Variants in USH2A observed in about 807,000 individuals in gnomAD.
USH2A encodes the protein Usher syndrome 2A (autosomal recessive, mild).
In USH2A, 443 loss-of-function variants were observed where a neutral mutation model predicts 538.9. That is an observed-to-expected ratio of 0.82 (90% CI 0.76 to 0.89). The LOEUF (loss-of-function observed/expected upper bound fraction) is 0.89. Among genes scored for constraint, USH2A ranks in the 40% least tolerant of loss-of-function variants. The pLI, the probability that USH2A is intolerant of heterozygous loss-of-function variation, is 0.00. For synonymous variants in USH2A, 2,413 were observed against 2,273.5 expected (o/e 1.06, Z -1.75); for missense variants, 6,633 against 6,324.8 (o/e 1.05, Z -1.65).
At chr1:216,222,524 G>A (rs927787063) in intron 14 of USH2A, among the ~76,000 whole-genome samples, 1 of 152,128 alleles carries the variant, frequency 6.6e-6, no homozygotes. Flanking sequence ...TTTGAGATGG[G>A]GAGATTATCC....
rs574921680 is a variant in USH2A, at chr1:215,757,848, T to C, written c.11389+747A>G. Among the ~76,000 whole-genome samples, 4 of 152,226 alleles carry C rather than the reference T, an allele frequency of 2.6e-5. No homozygotes were observed. The South Asian group carries it at 8.3e-4, about 32-fold the overall frequency. ...GTGGTCACAACCCAAGGTACATGGG[T>C]GAAGTGAACAACTGTCTTTCCAAAC... On this transcript the variant is annotated intron_variant, in intron 58 of 71. Coordinates refer to ENST00000307340, the MANE Select transcript of USH2A (RefSeq NM_206933.4).
intron 40 of USH2A, among the ~76,000 whole-genome samples, chr1:215,896,965 G>A (rs17025575): frequency 0.041 from 6,159 of 151,992 alleles, 135 homozygotes; most frequent in Middle Eastern, 0.072. Flanking sequence ...ATATTCATAG[G>A]AAATGTGCAT....
intron 3 of USH2A, among the ~76,000 whole-genome samples, chr1:216,409,434 A>G (rs1419056113): frequency 2.6e-5 from 4 of 152,152 alleles, no homozygotes; most frequent in Non-Finnish European, 5.9e-5. Flanking sequence ...AGAATCCTAC[A>G]CAAAAATAAC....
At chr1:216,130,184 C>A (rs1056542901) in intron 21 of USH2A, among the ~76,000 whole-genome samples, 4 of 151,874 alleles carry the variant, frequency 2.6e-5, no homozygotes, top group Non-Finnish European at 5.9e-5. Flanking sequence ...CCACGGGTTA[C>A]TGGGCACAGG....
intron 3 of USH2A, among the ~76,000 whole-genome samples, chr1:216,398,555 T>TACACAGAA (rs33993110): frequency 2.3e-5 from 3 of 127,778 alleles, no homozygotes; most frequent in African/African-American, 7.8e-5. Context: ...AGCACACCCA[T>TACACAGAA]ACACACACAC....
Position 216,323,654 on chromosome 1 carries a change from A to G in USH2A, c.1370T>C (p.Leu457Pro). ...AGGACGATAATTTGGTCCAGGTGTC[A>G]GGATGCTAAATGTGACATTGCCACG... The part of the protein sequence containing the change: ...YSRGNVTFSI[L>P]TPGPNYRPGY... The change falls in exon 8 of 72, where the codon CTG (leucine) becomes CCG (proline). Residue 457 changes from leucine to proline, a missense_variant. Coordinates refer to ENST00000307340, the MANE Select transcript of USH2A (RefSeq NM_206933.4). 6 of 1,613,660 alleles carry G rather than the reference A, an allele frequency of 3.7e-6. No homozygotes were observed. The highest frequency in any genetic ancestry group is 5.1e-6 in the Non-Finnish European group (6 of 1,179,722).
intron 55 of USH2A, among the ~76,000 whole-genome samples, chr1:215,768,439 C>A (rs865874447): frequency 6.6e-6 from 1 of 151,264 alleles, no homozygotes; most frequent in Non-Finnish European, 1.5e-5. Context: ...GCAGCTGGAG[C>A]TGCTCCAAGG....
chr1:216,210,125 G>T (rs1477339133), intron 15 of USH2A, among the ~76,000 whole-genome samples: 1 of 151,970 alleles, frequency 6.6e-6, no homozygotes, highest in East Asian at 1.9e-4. Flanking sequence ...GCCTTGCAGG[G>T]TTTCCCCACT....
chr1:216,017,688 C>A (rs935557890), intron 32 of USH2A, among the ~76,000 whole-genome samples: 1 of 152,104 alleles, frequency 6.6e-6, no homozygotes, highest in African/African-American at 2.4e-5. Flanking sequence ...TTTCAAATAT[C>A]GTAGTGAAGA....
chr1:215,707,152 G>C (rs1659204835), intron 61 of USH2A, among the ~76,000 whole-genome samples: 1 of 152,052 alleles, frequency 6.6e-6, no homozygotes, highest in African/African-American at 2.4e-5. Flanking sequence ...TTGGCATTTT[G>C]AATGCATTAT....
intron 21 of USH2A, among the ~76,000 whole-genome samples, chr1:216,118,600 T>C (rs1269015180): frequency 6.6e-6 from 1 of 152,210 alleles, no homozygotes. Flanking sequence ...GAGATACTAA[T>C]ATGGAAAAGA....
intron 69 of USH2A, among the ~76,000 whole-genome samples, chr1:215,636,181 C>T (rs549775697): frequency 6.6e-6 from 1 of 152,302 alleles, no homozygotes; most frequent in African/African-American, 2.4e-5. Context: ...CAAATCTCCC[C>T]CTTTTCAACA....
rs781183733 is a variant in USH2A at position 215,671,196 on chromosome 1, G to A, written c.13909C>T (p.Pro4637Ser). 14 of 1,614,144 alleles carry A rather than the reference G, an allele frequency of 8.7e-6. No homozygotes were observed. In the South Asian group the frequency reaches 1.3e-4, roughly 15 times the overall value. ...GCCATTTGTACCTCCAGATGTGGAG[G>A]GGGTTGCATCAAAGGTGCAATCTCA... ...TPEIAPLMQP[P>S]PHLEVQMAPG... The change falls in exon 64 of 72, where the codon CCT becomes TCT. Residue 4637 changes from proline to serine, a missense_variant. Physicochemically the swap from Pro to Ser is moderately conservative, Grantham distance 74. Transcript: ENST00000307340.
In USH2A at chr1:215,674,252, G is replaced by T; in HGVS notation, c.13659C>A (p.Asp4553Glu). The part of the protein sequence containing the change: ...RGPQEILVNW[D>E]PPVRTNGDII... ...TATCACCATTTGTTCTCACTGGAGGGTCCCAGTTCACTAAGATCTCCTGAG... is the reference window on the plus strand; with the variant it reads ...TATCACCATTTGTTCTCACTGGAGGTTCCCAGTTCACTAAGATCTCCTGAG... Residue 4553 changes from aspartate to glutamate, a missense_variant, in exon 63 of 72, where the codon GAC becomes GAA. Asp to Glu is a conservative substitution (Grantham distance 45). Coordinates refer to ENST00000307340, the MANE Select transcript of USH2A (RefSeq NM_206933.4). 6.2e-7 allele frequency: 1 copy of T among 1,614,120 alleles called. No individual in the cohort carries two copies. Among genetic ancestry groups the T allele is most frequent in the East Asian group, 2.2e-5 (1 of 44,878 alleles).
intron 13 of USH2A, among the ~76,000 whole-genome samples, chr1:216,243,618 C>G (rs1400976682): frequency 6.6e-6 from 1 of 152,136 alleles, no homozygotes. Flanking sequence ...AAAGATAAAT[C>G]TGCTTACCCC....
chr1:216,312,061 TC>T (rs924208552), intron 9 of USH2A, among the ~76,000 whole-genome samples: 49 of 152,266 alleles, frequency 3.2e-4, no homozygotes, highest in African/African-American at 1.1e-3. Flanking sequence ...TCTCTGAAGT[TC>T]TTCCTTTAAC....
At chr1:216,008,110 C>A (rs1254049243) in intron 32 of USH2A, among the ~76,000 whole-genome samples, 2 of 152,170 alleles carry the variant, frequency 1.3e-5, no homozygotes, top group African/African-American at 4.8e-5. Context: ...GGTCAGATTT[C>A]TGGTTTGGGA....
rs540307047 is a variant in USH2A, at chr1:216,257,909, G to T, written c.1972-6811C>A. Among the ~76,000 whole-genome samples, 24 of 152,042 alleles carry T rather than the reference G, an allele frequency of 1.6e-4. No individual in the cohort carries two copies. In the East Asian group the frequency reaches 4.1e-3, roughly 26 times the overall value. The stretch of plus-strand genomic sequence containing the variant: ...TTTCTCTGGAATTTTGATCTGTGGG[G>T]TTATTTAGTACCTTCCATATTTTTA... On this transcript the variant is annotated intron_variant, in intron 11 of 71. Coordinates refer to ENST00000307340, the MANE Select transcript of USH2A (RefSeq NM_206933.4).
At position 216,016,192 on chromosome 1, in the gene USH2A, G is replaced by T. The variant is rs2102497149; in HGVS notation, c.6326-15630C>A. ...GGAACATCACACACCAGGGCCTGCTGGGGGGTGGGCGGGGAGGGGAGGGAT... is the reference window on the plus strand; with the variant it reads ...GGAACATCACACACCAGGGCCTGCTTGGGGGTGGGCGGGGAGGGGAGGGAT... On this transcript the variant is annotated intron_variant, in intron 32 of 71. Transcript: ENST00000307340. Among the ~76,000 whole-genome samples the T allele has an allele frequency of 2.0e-5, 3 of 151,672 alleles. 1 individual carries two copies. The South Asian group carries it at 6.3e-4, about 32-fold the overall frequency.
Sources: allele counts gnomAD v4.1 joint callset (sites outside exome capture counted in the v4.1 genomes callset), GRCh38; gene constraint gnomAD v4.1.1; transcripts MANE v1.5; gene names NCBI Gene and HGNC (gene_info 2026-07-23, HGNC 2026-07-21).